Variants in CNTN5 observed in about 807,000 individuals in gnomAD.
CNTN5 encodes contactin-5.
CNTN5 carries 77 observed loss-of-function variants against 129.1 expected under a neutral mutation model. The observed-to-expected ratio is 0.60, with a 90% CI of 0.50 to 0.72. CNTN5 has a LOEUF of 0.72. Among genes scored for constraint, CNTN5 ranks in the 30% least tolerant of loss-of-function variants. The pLI, the probability that CNTN5 is intolerant of heterozygous loss-of-function variation, is 0.00. For synonymous variants in CNTN5, 509 were observed against 465.6 expected (o/e 1.09, Z -1.20); for missense variants, 1,478 against 1,328.8 (o/e 1.11, Z -1.75).
intron 1 of CNTN5, among the ~76,000 whole-genome samples, chr11:99,137,904 G>A (rs1409707794): frequency 6.6e-6 from 1 of 152,058 alleles, no homozygotes; most frequent in African/African-American, 2.4e-5. Flanking sequence ...CATCCTCTTG[G>A]CATTGAAAGA....
chr11:99,388,275 C>T (rs1941035109), intron 2 of CNTN5, among the ~76,000 whole-genome samples: 1 of 151,758 alleles, frequency 6.6e-6, no homozygotes, highest in African/African-American at 2.4e-5. Flanking sequence ...ATTAGCCGAG[C>T]ATGGTGGCAC....
At chr11:100,279,030 C>T (rs1292566349) in intron 18 of CNTN5, among the ~76,000 whole-genome samples, 4 of 151,938 alleles carry the variant, frequency 2.6e-5, no homozygotes, top group Admixed American at 6.6e-5. Flanking sequence ...TAAATTTTAT[C>T]AAATGCTTTT....
At chr11:99,282,629 C>T (rs1863751914) in intron 1 of CNTN5, among the ~76,000 whole-genome samples, 2 of 152,076 alleles carry the variant, frequency 1.3e-5, no homozygotes, top group South Asian at 4.1e-4. Flanking sequence ...TGAAAGCCAA[C>T]ATTAAATCCT....
intron 2 of CNTN5, among the ~76,000 whole-genome samples, chr11:99,379,305 T>C (rs1051909727): frequency 6.6e-6 from 1 of 151,608 alleles, no homozygotes; most frequent in Admixed American, 6.6e-5. Context: ...TGATTTTTTT[T>C]ATATTATCTC....
intron 6 of CNTN5, among the ~76,000 whole-genome samples, chr11:99,869,536 T>G (rs1372148333): frequency 6.6e-6 from 1 of 152,176 alleles, no homozygotes; most frequent in African/African-American, 2.4e-5. Flanking sequence ...ATCCACTGCC[T>G]AAATGTCCTT....
intron 13 of CNTN5, among the ~76,000 whole-genome samples, chr11:100,137,493 C>T (rs1440233585): frequency 6.6e-6 from 1 of 151,962 alleles, no homozygotes; most frequent in African/African-American, 2.4e-5. Flanking sequence ...AATTTAAATA[C>T]CTAGATGATA....
intron 1 of CNTN5, among the ~76,000 whole-genome samples, chr11:99,054,750 G>T (rs1476194571): frequency 6.6e-6 from 1 of 151,738 alleles, no homozygotes; most frequent in Non-Finnish European, 1.5e-5. Flanking sequence ...CCAAGTAGAA[G>T]GCTCAAGGGG....
intron 1 of CNTN5, among the ~76,000 whole-genome samples, chr11:99,037,972 G>A (rs1005758973): frequency 5.9e-5 from 9 of 151,928 alleles, no homozygotes; most frequent in African/African-American, 7.3e-5. Context: ...ACATAAACAC[G>A]GGGGTATTTA....
intron 1 of CNTN5, among the ~76,000 whole-genome samples, chr11:99,321,119 T>G (rs529891066): frequency 6.6e-6 from 1 of 152,174 alleles, no homozygotes; most frequent in Admixed American, 6.6e-5. Flanking sequence ...AGTACGTTTT[T>G]GGCTCTCCTA....
chr11:99,847,994 C>G (rs1947754498), intron 6 of CNTN5, among the ~76,000 whole-genome samples: 1 of 152,150 alleles, frequency 6.6e-6, no homozygotes, highest in Non-Finnish European at 1.5e-5. Flanking sequence ...GGGCGGATCA[C>G]GAGTTCAGGA....
At chr11:99,977,727 A>G (rs1938081024) in intron 8 of CNTN5, among the ~76,000 whole-genome samples, 1 of 152,172 alleles carries the variant, frequency 6.6e-6, no homozygotes, top group African/African-American at 2.4e-5. Context: ...GTTACCTCTC[A>G]TGAGGCCCCG....
intron 15 of CNTN5, among the ~76,000 whole-genome samples, chr11:100,200,343 A>G (rs931407269): frequency 3.9e-5 from 6 of 151,976 alleles, no homozygotes; most frequent in Non-Finnish European, 7.4e-5. Flanking sequence ...CCCATATAAA[A>G]AGACAGGCTT....
chr11:100,170,762 C>G (rs1947798267), intron 13 of CNTN5, among the ~76,000 whole-genome samples: 1 of 151,216 alleles, frequency 6.6e-6, no homozygotes, highest in Non-Finnish European at 1.5e-5. Context: ...TGAGACTGAT[C>G]TTGATGAGAA....
intron 2 of CNTN5, among the ~76,000 whole-genome samples, chr11:99,442,743 C>T (rs896030810): frequency 2.0e-5 from 3 of 152,102 alleles, no homozygotes; most frequent in African/African-American, 4.8e-5. Flanking sequence ...CACTTTAAAC[C>T]TCTATGGTAA....
intron 9 of CNTN5, among the ~76,000 whole-genome samples, chr11:100,009,826 C>A (rs770567): frequency 0.36 from 54,507 of 151,972 alleles, 10,828 homozygotes; most frequent in South Asian, 0.48. Flanking sequence ...GCTGGCTGCC[C>A]ATCCACACAT....
chr11:99,614,643 G>A (rs1277647632), intron 3 of CNTN5, among the ~76,000 whole-genome samples: 1 of 152,220 alleles, frequency 6.6e-6, no homozygotes, highest in Non-Finnish European at 1.5e-5. Context: ...TTTGCTGGAT[G>A]TTTCTGCGAC....
chr11:99,182,845 C>T (rs1029650641), intron 1 of CNTN5, among the ~76,000 whole-genome samples: 6 of 152,096 alleles, frequency 3.9e-5, no homozygotes, highest in Non-Finnish European at 8.8e-5. Context: ...CGTTGAGCTT[C>T]ACTGTGTAAT....
chr11:99,862,496 A>T (rs773308517), intron 6 of CNTN5, among the ~76,000 whole-genome samples: 1 of 151,940 alleles, frequency 6.6e-6, no homozygotes, highest in East Asian at 1.9e-4. Context: ...AATGCACAGT[A>T]TTGTACAAAG....
intron 4 of CNTN5, among the ~76,000 whole-genome samples, chr11:99,842,073 T>G (rs186372735): frequency 5.3e-5 from 8 of 151,922 alleles, no homozygotes; most frequent in African/African-American, 1.9e-4. Flanking sequence ...TTTTGTATGT[T>G]TAGTACAGAT....
Sources: allele counts gnomAD v4.1 joint callset (sites outside exome capture counted in the v4.1 genomes callset), GRCh38; gene constraint gnomAD v4.1.1; transcripts MANE v1.5; gene names NCBI Gene and HGNC (gene_info 2026-07-23, HGNC 2026-07-21).